SYNE1: variants seen among roughly 807,000 people sequenced by gnomAD.
SYNE1 encodes the protein nesprin-1.
Under a neutral mutation model 1,111.0 loss-of-function variants are expected in SYNE1, and 616 were observed. That is an observed-to-expected ratio of 0.55 (90% confidence interval 0.52 to 0.59). SYNE1 has a LOEUF of 0.59. Among genes scored for constraint, SYNE1 ranks in the 20% least tolerant of loss-of-function variants. The pLI, the probability that SYNE1 is intolerant of heterozygous loss-of-function variation, is 0.00. For synonymous variants in SYNE1, 3,855 were observed against 3,825.8 expected, an observed-to-expected ratio of 1.01 and a Z score of -0.28; for missense variants, 10,006 against 10,417.0, an observed-to-expected ratio of 0.96 and a Z score of 1.72.
chr6:152,264,206 CAAAAAAAAAAAA>C (rs56714685), intron 100 of SYNE1, among the ~76,000 whole-genome samples: 1 of 45,896 alleles, frequency 2.2e-5, no homozygotes, highest in East Asian at 8.1e-4. Flanking sequence ...GACTCCATCT[CAAAAAAAAAAAA>C]AAAAAAAAAA....
At chr6:152,201,393 C>T (rs546972089) in intron 127 of SYNE1, among the ~76,000 whole-genome samples, 2 of 151,938 alleles carry the variant, frequency 1.3e-5, no homozygotes, top group South Asian at 4.2e-4. Flanking sequence ...TATTTTTCCC[C>T]CTTTCCTTGC....
At chr6:152,546,173 T>A (rs2099311883) in intron 3 of SYNE1, 1 of 152,190 alleles carries the variant, frequency 6.6e-6, no homozygotes, top group South Asian at 2.1e-4. Flanking sequence ...TTATTATATA[T>A]GGGTAGGGAA....
rs992873890 is a variant in SYNE1, at chr6:152,274,928, C to A, written c.18573+3161G>T. On this transcript the variant is annotated intron_variant, in intron 98 of 145. Coordinates refer to ENST00000367255, the MANE Select transcript of SYNE1 (RefSeq NM_182961.4). ...TTTAGTTGGCGTCTCACACTGTCAC[C>A]CAGGCTGCAGTGCAGTGGCACAATC... Among the ~76,000 whole-genome samples, 3 of 152,224 alleles carry A rather than the reference C, an allele frequency of 2.0e-5. No individual in the cohort carries two copies. In the South Asian group the frequency reaches 6.2e-4, roughly 32 times the overall value.
At chr6:152,179,121 G>A (rs1377020183) in intron 129 of SYNE1, among the ~76,000 whole-genome samples, 1 of 151,828 alleles carries the variant, frequency 6.6e-6, no homozygotes, top group African/African-American at 2.4e-5. Context: ...CACTGTGTTG[G>A]CCAGGCTGGT....
chr6:152,502,800 A>G (rs1172775356), intron 9 of SYNE1, 58 bp from the exon 10 acceptor site: 1 of 1,307,088 alleles, frequency 7.7e-7, no homozygotes, highest in African/African-American at 1.5e-5. Context: ...GATTTTGATA[A>G]TACAAGTTTG....
intron 46 of SYNE1, among the ~76,000 whole-genome samples, chr6:152,402,098 C>T (rs764468726): frequency 1.6e-4 from 24 of 152,104 alleles, no homozygotes; most frequent in Non-Finnish European, 3.5e-4. Flanking sequence ...CTGTGTAAGG[C>T]TTCTTTCTCC....
At chr6:152,536,020 C>T (rs2099234164) in intron 4 of SYNE1, among the ~76,000 whole-genome samples, 1 of 152,026 alleles carries the variant, frequency 6.6e-6, no homozygotes, top group African/African-American at 2.4e-5. Context: ...CCTCTGTCTT[C>T]ATCTCTCTGC....
chr6:152,489,077 G>T (rs932782278), intron 11 of SYNE1, among the ~76,000 whole-genome samples: 1 of 152,072 alleles, frequency 6.6e-6, no homozygotes, highest in Non-Finnish European at 1.5e-5. Flanking sequence ...AAGTTATTTG[G>T]TGAATAAATG....
At chr6:152,157,291 G>A (rs570667236) in intron 131 of SYNE1, among the ~76,000 whole-genome samples, 6 of 152,282 alleles carry the variant, frequency 3.9e-5, no homozygotes, top group South Asian at 2.1e-4. Flanking sequence ...GGATGGAACC[G>A]GAGGTCACTA....
At chr6:152,133,719 C>T (rs937247095) in intron 142 of SYNE1, 3 of 578,286 alleles carry the variant, frequency 5.2e-6, no homozygotes, top group Non-Finnish European at 6.2e-6. Context: ...TGATTTGATG[C>T]CTGGTCCACA....
intron 103 of SYNE1, 51 bp from the exon 104 acceptor site, chr6:152,255,140 T>C (rs749095625): frequency 4.3e-6 from 6 of 1,406,466 alleles, no homozygotes; most frequent in Middle Eastern, 3.5e-4. Context: ...TGAATTGATA[T>C]GCAAATCATG....
At chr6:152,395,816 C>G (rs1038859056) in intron 50 of SYNE1, 145 bp from the exon 51 acceptor site, 2 of 745,550 alleles carry the variant, frequency 2.7e-6, no homozygotes, top group South Asian at 1.6e-5. Flanking sequence ...AACTTAACAA[C>G]TAACCCACCC....
At chr6:152,353,953 T>C (rs1394214059) in intron 67 of SYNE1, among the ~76,000 whole-genome samples, 8 of 152,184 alleles carry the variant, frequency 5.3e-5, no homozygotes, top group Non-Finnish European at 7.3e-5. Flanking sequence ...TAGTTTTCTG[T>C]ATCTATTACA....
intron 105 of SYNE1, among the ~76,000 whole-genome samples, 186 bp from the exon 106 acceptor site, chr6:152,244,842 G>T (rs975952179): frequency 1.3e-5 from 2 of 152,106 alleles, no homozygotes; most frequent in Non-Finnish European, 2.9e-5. Context: ...AACAGAAGAA[G>T]TCCCCTCATT....
chr6:152,450,890 A>C (rs1236261349), intron 26 of SYNE1, 57 bp from the exon 27 acceptor site: 1 of 1,601,342 alleles, frequency 6.2e-7, no homozygotes, highest in East Asian at 2.2e-5. Flanking sequence ...GTACTTCTAC[A>C]TTTTCACAGA....
At chr6:152,528,619 G>T (rs773585672) in intron 4 of SYNE1, among the ~76,000 whole-genome samples, 9 of 152,190 alleles carry the variant, frequency 5.9e-5, no homozygotes, top group Non-Finnish European at 1.0e-4. Flanking sequence ...GGTCAAAAGG[G>T]AGAGTTAGAG....
At chr6:152,262,668 C>T (rs1229631433) in intron 100 of SYNE1, among the ~76,000 whole-genome samples, 1 of 151,494 alleles carries the variant, frequency 6.6e-6, no homozygotes, top group Non-Finnish European at 1.5e-5. Flanking sequence ...CGTACAGGAC[C>T]TGGGAAGGTA....
At chr6:152,488,164 A>G (rs2098951282) in intron 12 of SYNE1, among the ~76,000 whole-genome samples, 1 of 152,162 alleles carries the variant, frequency 6.6e-6, no homozygotes, top group African/African-American at 2.4e-5. Context: ...TGGAAAAGTG[A>G]TGAAGCCTCA....
At chr6:152,459,009 A>G (rs1015058493) in intron 21 of SYNE1, 79 bp from the exon 22 acceptor site, 21 of 1,251,272 alleles carry the variant, frequency 1.7e-5, no homozygotes, top group Non-Finnish European at 2.3e-5. Flanking sequence ...AGCTCTGAGG[A>G]ACATTTTCTT....
Sources: allele counts gnomAD v4.1 joint callset (sites outside exome capture counted in the v4.1 genomes callset), GRCh38; gene constraint gnomAD v4.1.1; transcripts MANE v1.5; gene names NCBI Gene and HGNC (gene_info 2026-07-23, HGNC 2026-07-21).